Variants in FSTL5 observed in about 807,000 individuals in gnomAD.
The protein encoded by FSTL5 is follistatin-related protein 5.
A neutral mutation model predicts 89.1 loss-of-function variants in FSTL5; 62 were observed. The observed-to-expected ratio is 0.70, with a 90% CI of 0.57 to 0.86. The LOEUF is 0.86. Among genes scored for constraint, FSTL5 ranks in the 40% least tolerant of loss-of-function variants. The pLI, the probability that FSTL5 is intolerant of heterozygous loss-of-function variation, is 0.00. For missense variants in FSTL5, 1,057 were observed against 1,001.6 expected (o/e 1.06, Z -0.75); for synonymous variants, 383 against 346.2 (o/e 1.11, Z -1.18).
intron 5 of FSTL5, among the ~76,000 whole-genome samples, chr4:161,769,893 T>C (rs976091001): frequency 2.0e-5 from 3 of 151,578 alleles, no homozygotes; most frequent in Non-Finnish European, 4.4e-5. Context: ...TAATCTTATA[T>C]TTGAAAAAAA....
At chr4:161,764,800 C>T (rs1484226172) in intron 5 of FSTL5, among the ~76,000 whole-genome samples, 1 of 152,102 alleles carries the variant, frequency 6.6e-6, no homozygotes, top group African/African-American at 2.4e-5. Context: ...TTTTTAAATG[C>T]ATCTTGACCA....
intron 3 of FSTL5, among the ~76,000 whole-genome samples, chr4:161,999,887 G>A (rs1736411175): frequency 6.6e-6 from 1 of 152,124 alleles, no homozygotes; most frequent in East Asian, 1.9e-4. Context: ...AAAGACTTCA[G>A]AGGTCAAATT....
intron 3 of FSTL5, among the ~76,000 whole-genome samples, chr4:161,969,151 C>T (rs528599366): frequency 1.3e-5 from 2 of 151,984 alleles, no homozygotes; most frequent in Non-Finnish European, 2.9e-5. Context: ...AAAAGAAAAA[C>T]GCACTCCATA....
intron 10 of FSTL5, among the ~76,000 whole-genome samples, chr4:161,533,631 A>G (rs927564148): frequency 2.0e-5 from 3 of 152,150 alleles, no homozygotes; most frequent in Non-Finnish European, 4.4e-5. Flanking sequence ...GAACAGCCAA[A>G]TTCTACCAGA....
intron 4 of FSTL5, among the ~76,000 whole-genome samples, chr4:161,829,420 T>A (rs1462101058): frequency 1.3e-5 from 2 of 151,474 alleles, no homozygotes; most frequent in African/African-American, 4.8e-5. Context: ...AATAAAAAAA[T>A]AAACCACTGG....
chr4:161,476,173 G>GTTTTTTTTTTTGTTT (rs1734131101), intron 13 of FSTL5, among the ~76,000 whole-genome samples: 1 of 80,490 alleles, frequency 1.2e-5, no homozygotes, highest in East Asian at 4.7e-4. Flanking sequence ...AAGTTTGCTG[G>GTTTTTTTTTTTGTTT]TTTTTTTTTT....
chr4:161,474,371 A>T (rs1287608588), intron 13 of FSTL5, among the ~76,000 whole-genome samples: 1 of 152,168 alleles, frequency 6.6e-6, no homozygotes, highest in East Asian at 1.9e-4. Flanking sequence ...TCAAAGTTAC[A>T]ATAATAATAA....
At chr4:162,048,681 T>C (rs1361686495) in intron 2 of FSTL5, among the ~76,000 whole-genome samples, 6 of 152,076 alleles carry the variant, frequency 3.9e-5, no homozygotes, top group South Asian at 4.1e-4. Flanking sequence ...AGAGCTTTTG[T>C]TGATTTCAAG....
chr4:161,458,943 T>A (rs77635641), intron 14 of FSTL5, among the ~76,000 whole-genome samples: 2 of 152,236 alleles, frequency 1.3e-5, no homozygotes, highest in African/African-American at 4.8e-5. Flanking sequence ...ATTATGACTT[T>A]CTTTTCCTCC....
intron 3 of FSTL5, among the ~76,000 whole-genome samples, chr4:162,026,304 C>CTTATTTTTTTTTTTTTTTTTTTTT (rs1737281262): frequency 1.3e-5 from 1 of 79,474 alleles, no homozygotes; most frequent in South Asian, 5.4e-4. Flanking sequence ...TATGTATTTT[C>CTTATTTTTTTTTTTTTTTTTTTTT]TTTTTTTTTT....
At chr4:161,423,437 T>C (rs1410856770) in intron 15 of FSTL5, among the ~76,000 whole-genome samples, 3 of 152,216 alleles carry the variant, frequency 2.0e-5, no homozygotes, top group African/African-American at 7.2e-5. Flanking sequence ...CTATATGTGT[T>C]TGAATTTTAG....
At chr4:161,582,192 C>T (rs368343538) in intron 8 of FSTL5, among the ~76,000 whole-genome samples, 37 of 152,126 alleles carry the variant, frequency 2.4e-4, no homozygotes, top group African/African-American at 8.7e-4. Context: ...TGGTATTTTC[C>T]GGGCTTGTTA....
intron 4 of FSTL5, among the ~76,000 whole-genome samples, chr4:161,808,563 G>T (rs1342074635): frequency 6.6e-6 from 1 of 152,000 alleles, no homozygotes; most frequent in Non-Finnish European, 1.5e-5. Context: ...AGAAAAAAAA[G>T]GAGAAAACCT....
intron 4 of FSTL5, among the ~76,000 whole-genome samples, chr4:161,834,391 C>G (rs1402630842): frequency 6.6e-6 from 1 of 152,114 alleles, no homozygotes; most frequent in African/African-American, 2.4e-5. Context: ...AAAACTGGCA[C>G]AAGACAGGGA....
intron 15 of FSTL5, among the ~76,000 whole-genome samples, chr4:161,396,219 G>A (rs115959783): frequency 0.015 from 2,267 of 151,960 alleles, 50 homozygotes; most frequent in African/African-American, 0.051. Context: ...TTACATGAAC[G>A]CACACATGAC....
At chr4:161,512,972 T>A (rs569246444) in intron 10 of FSTL5, among the ~76,000 whole-genome samples, 98 of 152,184 alleles carry the variant, frequency 6.4e-4, no homozygotes, top group African/African-American at 2.3e-3. Flanking sequence ...TATTGACATA[T>A]CTTCAAGGGT....
rs1181047660 is a variant in FSTL5 at position 162,030,134 on chromosome 4, G to C, written c.160+3491C>G. Among the ~76,000 whole-genome samples, 4 of 151,946 alleles carry C rather than the reference G, an allele frequency of 2.6e-5. No homozygotes were observed. In the East Asian group the frequency reaches 7.8e-4, roughly 30 times the overall value. On this transcript the variant is annotated intron_variant, in intron 3 of 15. Transcript: ENST00000306100. ...ACCATGTTGGCCAGGCTGGTCTTCTGGTCTTGAACTCCTGACCTCAAGTGA... is the reference window on the plus strand; with the variant it reads ...ACCATGTTGGCCAGGCTGGTCTTCTCGTCTTGAACTCCTGACCTCAAGTGA...
At chr4:161,533,360 A>G (rs1417240203) in intron 10 of FSTL5, among the ~76,000 whole-genome samples, 1 of 152,070 alleles carries the variant, frequency 6.6e-6, no homozygotes, top group Non-Finnish European at 1.5e-5. Context: ...AGAAGATCCA[A>G]GTGAGTTCAA....
intron 4 of FSTL5, among the ~76,000 whole-genome samples, chr4:161,781,119 C>G (rs1741650692): frequency 2.0e-5 from 3 of 151,718 alleles, no homozygotes; most frequent in Admixed American, 2.0e-4. Context: ...TCAAATTACT[C>G]AATAATTGCT....
Sources: allele counts gnomAD v4.1 joint callset (sites outside exome capture counted in the v4.1 genomes callset), GRCh38; gene constraint gnomAD v4.1.1; transcripts MANE v1.5; gene names NCBI Gene and HGNC (gene_info 2026-07-23, HGNC 2026-07-21).